The following RIPK4 variants were observed in gnomAD, a reference collection of about 807,000 sequenced individuals.
The protein encoded by RIPK4 is receptor-interacting serine/threonine-protein kinase 4.
RIPK4 carries 17 observed loss-of-function variants against 42.9 expected under a neutral mutation model. The ratio of observed to expected loss-of-function variants is 0.40; its 90% confidence interval spans 0.27 to 0.59. The LOEUF (loss-of-function observed/expected upper bound fraction) is 0.59, where lower values mean the gene tolerates loss of function less well. Ranked by LOEUF, RIPK4 falls within the 20% of genes least tolerant of loss-of-function variation. The pLI, the probability that RIPK4 is intolerant of heterozygous loss-of-function variation, is 0.47. For missense variants in RIPK4, 897 were observed against 1,104.4 expected (o/e 0.81, Z 2.66); for synonymous variants, 498 against 499.1 (o/e 1.00, Z 0.03).
Position 41,755,759 on chromosome 21 carries a change from G to A in RIPK4, c.474+766C>T, listed in dbSNP as rs183970200. On this transcript the variant is annotated intron_variant, in intron 2 of 7. Coordinates refer to ENST00000332512, the MANE Select transcript of RIPK4 (RefSeq NM_020639.3). This position sits in a 1 kb window ranked among gnomAD's most constrained non-coding sequence, Gnocchi z 4.2. ...TCACCACGTGGGGAAAAACTACAAC[G>A]CGCCAGGTGTAACCACCACATGTCA... 1.3e-5 allele frequency among the ~76,000 whole-genome samples: 2 copies of A among 152,246 alleles called. No individual in the cohort carries two copies. Among genetic ancestry groups the A allele is most frequent in the South Asian group, 2.1e-4 (1 of 4,826 alleles).
In RIPK4 at chr21:41,742,133, T is replaced by C. The variant is rs936169352; in HGVS notation, c.1196-136A>G. 5.1e-6 allele frequency: 4 copies of C among 787,460 alleles called. No homozygotes were observed. Among genetic ancestry groups the C allele is most frequent in the Non-Finnish European group, 8.2e-6 (4 of 488,636 alleles). The allele number at this position is 787,460 out of a possible 1,614,324, so 48.8% of individuals were successfully genotyped here. A position where few individuals can be genotyped will look rare whatever the true frequency, so the allele number is the denominator to read the frequency against. ...CTGCTCGCTGGTCACCCGACTGTGT[T>C]TGAGCGTTGTCTGTGCCTCGTGATT... On this transcript the variant is annotated intron_variant, in intron 7 of 7. Coordinates refer to ENST00000332512, the MANE Select transcript of RIPK4 (RefSeq NM_020639.3). The surrounding 1 kb of genome is among the most constrained non-coding windows in gnomAD (Gnocchi z 5.1).
chr21:41,761,988 C>T (rs935276670), intron 1 of RIPK4, among the ~76,000 whole-genome samples: 3 of 152,140 alleles, frequency 2.0e-5, no homozygotes, highest in Non-Finnish European at 4.4e-5. Context: ...CCCCATTTAC[C>T]TTACTTTAAA....
rs1052291962 is a variant in RIPK4 at position 41,740,455 on chromosome 21, C to T, written c.*383G>A. On this transcript the variant is annotated 3_prime_UTR_variant, in exon 8 of 8. Transcript: ENST00000332512. ...ATAAAAAACACAGTTTCCCCTGCAC[C>T]TCCCTCAAGACTGGTGAGCTCCAGC... The T allele has an allele frequency of 4.6e-6, 1 of 217,738 alleles. No homozygotes were observed. The highest frequency in any genetic ancestry group is 9.0e-6 in the Non-Finnish European group (1 of 111,678). The allele number at this position is 217,738 out of a possible 1,614,324, so 13.5% of individuals were successfully genotyped here. A position where few individuals can be genotyped will look rare whatever the true frequency, so the allele number is the denominator to read the frequency against.
At chr21:41,756,463 C>G in intron 2 of RIPK4, 62 bp downstream of exon 2, 1 of 1,563,590 alleles carries the variant, frequency 6.4e-7, no homozygotes, top group Non-Finnish European at 8.7e-7. Flanking sequence ...CCCTTGATAC[C>G]CTGCTCCCCA....
At chr21:41,757,351 G>A (rs368696342) in intron 1 of RIPK4, among the ~76,000 whole-genome samples, 1 of 151,590 alleles carries the variant, frequency 6.6e-6, no homozygotes, top group Non-Finnish European at 1.5e-5. Context: ...TGGAACCCCC[G>A]TCTCTACTAA....
intron 6 of RIPK4, among the ~76,000 whole-genome samples, chr21:41,745,309 A>G (rs2061167251): frequency 6.6e-6 from 1 of 152,218 alleles, no homozygotes; most frequent in African/African-American, 2.4e-5. Context: ...AAAGGCATTT[A>G]GCCAGCCCTG....
rs2061146294 is a variant in RIPK4, at chr21:41,739,656, AC to A, written c.*1181del. On this transcript the variant is annotated 3_prime_UTR_variant, in exon 8 of 8. Transcript: ENST00000332512. ...ATTCTAATAACAGTATTCAGAAGGC[AC>A]CCTATGGGACACAGGTGACAGTGAA... is the stretch of plus-strand genomic sequence containing the variant. 6.6e-6 allele frequency: 1 copy of A among 152,180 alleles called. No individual in the cohort carries two copies. The highest frequency in any genetic ancestry group is 2.4e-5 in the African/African-American group (1 of 41,454). The allele number at this position is 152,180 out of a possible 1,614,324, so 9.4% of individuals were successfully genotyped here.
In RIPK4 at chr21:41,750,423, G is replaced by A. The variant is rs188574592; in HGVS notation, c.623+674C>T. On this transcript the variant is annotated intron_variant, in intron 3 of 7. Coordinates refer to ENST00000332512, the MANE Select transcript of RIPK4 (RefSeq NM_020639.3). ...GTGCCATGAAGAAGATGAGCTGCTC[G>A]CCTCACAAAATCAGAGTGAATTTCG... Among the ~76,000 whole-genome samples the A allele has an allele frequency of 1.2e-4, 19 of 152,280 alleles. No individual in the cohort carries two copies. In the East Asian group the frequency reaches 2.3e-3, roughly 19 times the overall value.
chr21:41,764,021 C>A (rs187564653), intron 1 of RIPK4, among the ~76,000 whole-genome samples: 1 of 152,290 alleles, frequency 6.6e-6, no homozygotes, highest in East Asian at 1.9e-4. Flanking sequence ...AAAGCCACCC[C>A]ACAGGACCCT....
Position 41,739,385 on chromosome 21 carries a change from G to A in RIPK4, c.*1453C>T, listed in dbSNP as rs896658899. The A allele has an allele frequency of 6.6e-6, 1 of 152,184 alleles. No individual in the cohort carries two copies. Among genetic ancestry groups the A allele is most frequent in the African/African-American group, 2.4e-5 (1 of 41,432 alleles). 9.4% of individuals were successfully genotyped at this position (152,184 alleles called of 1,614,324 possible). ...AGTCTCAACCAGCTTCAAAAAAGTAGGCAAGTACTTTGCTTTATTGACATC... is the reference window on the plus strand; with the variant it reads ...AGTCTCAACCAGCTTCAAAAAAGTAAGCAAGTACTTTGCTTTATTGACATC... On this transcript the variant is annotated 3_prime_UTR_variant, in exon 8 of 8. Transcript: ENST00000332512.
intron 1 of RIPK4, among the ~76,000 whole-genome samples, chr21:41,758,338 G>A (rs940446140): frequency 1.3e-5 from 2 of 151,992 alleles, no homozygotes; most frequent in African/African-American, 2.4e-5. Flanking sequence ...TTCTGTGTCT[G>A]GCTTATTTCA....
chr21:41,743,398 C>A (rs1255528139), intron 7 of RIPK4, among the ~76,000 whole-genome samples: 1 of 152,258 alleles, frequency 6.6e-6, no homozygotes, highest in Non-Finnish European at 1.5e-5. Context: ...GCAAAGGTGG[C>A]CTGGTGGTAA....
In RIPK4 at chr21:41,740,564, T is replaced by G; in HGVS notation, c.*274A>C. 3 of 453,940 alleles carry G rather than the reference T, an allele frequency of 6.6e-6. No homozygotes were observed. The highest frequency in any genetic ancestry group is 7.8e-6 in the Non-Finnish European group (2 of 255,682). The allele number at this position is 453,940 out of a possible 1,614,324, so 28.1% of individuals were successfully genotyped here. A position where few individuals can be genotyped will look rare whatever the true frequency, so the allele number is the denominator to read the frequency against. ...CTGAGAGACCAGCCTCAGCGACCCA[T>G]TAGGAGCACAACGAAATGATTCTGA... On this transcript the variant is annotated 3_prime_UTR_variant, in exon 8 of 8. Coordinates refer to ENST00000332512, the MANE Select transcript of RIPK4 (RefSeq NM_020639.3).
intron 1 of RIPK4, among the ~76,000 whole-genome samples, chr21:41,764,532 G>A (rs1191729016): frequency 1.3e-5 from 2 of 152,070 alleles, no homozygotes; most frequent in Non-Finnish European, 2.9e-5. Flanking sequence ...AAGACCCTAG[G>A]AGAATCCTAT....
At chr21:41,745,666 C>T (rs1156450632) in intron 6 of RIPK4, 93 bp downstream of exon 6, 28 of 895,920 alleles carry the variant, frequency 3.1e-5, no homozygotes, top group Admixed American at 1.0e-4. Context: ...GAGAGTGGTC[C>T]GGGCGGCGGG....
Position 41,741,554 on chromosome 21 carries a change from G to A in RIPK4, c.1639C>T (p.His547Tyr). The A allele has an allele frequency of 1.9e-6, 3 of 1,611,932 alleles. No homozygotes were observed. Among genetic ancestry groups the A allele is most frequent in the Non-Finnish European group, 2.5e-6 (3 of 1,180,002 alleles). The change falls in exon 8 of 8, where the codon CAC becomes TAC. Residue 547 changes from histidine (H) to tyrosine (Y), a missense_variant. Transcript: ENST00000332512. Reference protein sequence around the residue: ...GRTPMHVACQHGQENIVRILL... With the variant: ...GRTPMHVACQYGQENIVRILL... ...ATGCGCACGATATTCTCCTGCCCGT[G>A]CTGGCAGGCCACGTGCATGGGCGTC...
intron 1 of RIPK4, among the ~76,000 whole-genome samples, chr21:41,762,097 G>C (rs572524079): frequency 6.6e-6 from 1 of 152,224 alleles, no homozygotes; most frequent in Non-Finnish European, 1.5e-5. Context: ...CCAGCTTTGC[G>C]CAACTGCCTG....
intron 5 of RIPK4, among the ~76,000 whole-genome samples, chr21:41,746,376 T>C (rs372876324): frequency 1.3e-5 from 2 of 152,068 alleles, no homozygotes; most frequent in East Asian, 1.9e-4. Flanking sequence ...CCAACCCTGG[T>C]GGGGAGCAGG....
In RIPK4 at chr21:41,741,609, G is replaced by C. The variant is rs754417562; in HGVS notation, c.1584C>G (p.Ala528=). ...SSTRLLLEKN[A]SVNEVDFEGR... is the part of the protein sequence containing the mutation. ...CCTCAAAGTCCACCTCGTTGACCGA[G>C]GCGTTCTTCTCCAACAGCAGCCGTG... Residue 528 remains alanine (A), a synonymous_variant, in exon 8 of 8, where the codon GCC becomes GCG. Coordinates refer to ENST00000332512, the MANE Select transcript of RIPK4 (RefSeq NM_020639.3). The C allele has an allele frequency of 3.1e-6, 5 of 1,612,656 alleles. No individual in the cohort carries two copies. In the South Asian group the frequency reaches 5.5e-5, roughly 18 times the overall value.
Sources: gnomAD v4.1 joint callset for allele counts (sites outside exome capture counted in the v4.1 genomes callset) on GRCh38, gnomAD v4.1.1 for gene constraint, Gnocchi (gnomAD v3.1) non-coding constraint, MANE v1.5 for transcripts, NCBI Gene and HGNC (gene_info 2026-07-23, HGNC 2026-07-21) for gene names.